Variants in CLCN5 observed in about 807,000 individuals in gnomAD.
CLCN5 encodes H(+)/Cl(-) exchange transporter 5.
In CLCN5, 17 loss-of-function variants were observed where a neutral mutation model predicts 54.0. The ratio of observed to expected loss-of-function variants is 0.31; its 90% CI spans 0.22 to 0.47. The LOEUF is 0.47. Among genes scored for constraint, CLCN5 ranks in the 20% least tolerant of loss-of-function variants. The pLI, the probability that CLCN5 is intolerant of heterozygous loss-of-function variation, is 1.00. For synonymous variants in CLCN5, 222 were observed against 233.0 expected (o/e 0.95, Z 0.43); for missense variants, 448 against 646.7 (o/e 0.69, Z 3.33).
At chrX:50,034,993 A>G (rs1394676920) in intron 3 of CLCN5, among the ~76,000 whole-genome samples, 1 of 111,359 alleles carries the variant, frequency 9.0e-6, no homozygotes, top group Non-Finnish European at 1.9e-5. Context: ...TTGACTTACC[A>G]GGTCCTTCAT....
intron 3 of CLCN5, among the ~76,000 whole-genome samples, chrX:49,930,631 G>A (rs188937272): frequency 9.0e-6 from 1 of 111,221 alleles, no homozygotes; most frequent in East Asian, 2.8e-4. Flanking sequence ...TGTGCTCGGG[G>A]GATTTGAAGA....
rs185390808 is a variant in CLCN5, at chrX:50,069,799, C to T, written c.164-80C>T. The T allele has an allele frequency of 1.4e-3, 1,493 of 1,103,855 alleles. 1 individual carries two copies. The highest frequency in any genetic ancestry group is 1.3e-3 in the Non-Finnish European group (1,070 of 843,543). The allele number at this position is 1,103,855 out of a possible 1,213,427, so 91.0% of individuals were successfully genotyped here. The stretch of plus-strand genomic sequence containing the variant: ...GTAGTCATCTGATAGTTTAAGGGCC[C>T]GCCTTTTGGAACCAAAAAGAATGTA... On this transcript the variant is annotated intron_variant, in intron 4 of 14. Transcript: ENST00000376091.
At chrX:50,010,576 G>C (rs1930452275) in intron 3 of CLCN5, 1 of 116,718 alleles carries the variant, frequency 8.6e-6, no homozygotes, top group Non-Finnish European at 1.8e-5. Flanking sequence ...CTCTACTTTA[G>C]TTCAATGCAA....
chrX:50,093,976 T>A lies in CLCN5; in HGVS notation c.*1757T>A, dbSNP rs1602137602. ...ATTTTATAGCTCTGTTCCTAGCACT[T>A]CTCATCATCCTTCCAGCCCAGAATC... On this transcript the variant is annotated 3_prime_UTR_variant, in exon 15 of 15. Transcript: ENST00000376091. 1 of 110,862 alleles carries A rather than the reference T, an allele frequency of 9.0e-6. No individual in the cohort carries two copies. The highest frequency in any genetic ancestry group is 2.9e-4 in the East Asian group (1 of 3,493). The allele number at this position is 110,862 out of a possible 1,213,427, so 9.1% of individuals were successfully genotyped here. A position where few individuals can be genotyped will look rare whatever the true frequency, so the allele number is the denominator to read the frequency against.
intron 3 of CLCN5, among the ~76,000 whole-genome samples, chrX:49,956,222 G>A (rs1202824562): frequency 9.0e-6 from 1 of 111,673 alleles, no homozygotes; most frequent in African/African-American, 3.3e-5. Context: ...TCTGACTAAG[G>A]CTGGCATGCC....
chrX:49,993,235 C>T (rs1221570804), intron 3 of CLCN5, among the ~76,000 whole-genome samples: 3 of 111,784 alleles, frequency 2.7e-5, no homozygotes, highest in Non-Finnish European at 5.6e-5. Context: ...GAAGGGTTTC[C>T]GGTTGTCCTT....
intron 12 of CLCN5, 125 bp from the exon 13 acceptor site, chrX:50,089,991 G>C: frequency 1.5e-6 from 1 of 659,654 alleles, no homozygotes; most frequent in Non-Finnish European, 2.5e-6. Flanking sequence ...TGCAATCTCT[G>C]GGGTCTGCAC....
At chrX:50,039,106 C>G (rs1047141116) in intron 3 of CLCN5, among the ~76,000 whole-genome samples, 8 of 110,830 alleles carry the variant, frequency 7.2e-5, no homozygotes, top group African/African-American at 2.6e-4. Context: ...TAGTGAGACC[C>G]TATCTGTACA....
At chrX:49,947,933 C>T (rs1285950732) in intron 3 of CLCN5, among the ~76,000 whole-genome samples, 2 of 110,920 alleles carry the variant, frequency 1.8e-5, no homozygotes, top group Admixed American at 9.6e-5. Flanking sequence ...TACCTTTTCC[C>T]GTTTTGGGTT....
At chrX:49,983,766 A>G (rs1319279451) in intron 3 of CLCN5, among the ~76,000 whole-genome samples, 1 of 109,596 alleles carries the variant, frequency 9.1e-6, no homozygotes, top group African/African-American at 3.3e-5. Flanking sequence ...CTGCCCTTCT[A>G]ATTGTATTCA....
chrX:49,950,106 G>A (rs953046806), intron 3 of CLCN5, among the ~76,000 whole-genome samples: 6 of 112,005 alleles, frequency 5.4e-5, no homozygotes, highest in Non-Finnish European at 1.1e-4. Context: ...AAGTGGTAGG[G>A]TGAAAGGACC....
intron 4 of CLCN5, among the ~76,000 whole-genome samples, chrX:50,068,913 C>G (rs782386354): frequency 1.8e-5 from 2 of 112,256 alleles, no homozygotes; most frequent in South Asian, 7.4e-4. Context: ...ATAGCAAAAT[C>G]TTATTCCATC....
intron 4 of CLCN5, among the ~76,000 whole-genome samples, chrX:50,057,713 G>A (rs1932786283): frequency 1.9e-5 from 2 of 104,673 alleles, no homozygotes; most frequent in African/African-American, 6.9e-5. Context: ...TAGATGGGAG[G>A]GCTACTCCAA....
At chrX:50,014,518 T>C (rs1226063467) in intron 3 of CLCN5, 11 of 302,943 alleles carry the variant, frequency 3.6e-5, no homozygotes, top group Non-Finnish European at 6.4e-5. Context: ...TGCAAGACTC[T>C]CATTCCTGTT....
At chrX:50,067,146 A>G (rs1291037088) in intron 4 of CLCN5, among the ~76,000 whole-genome samples, 1 of 111,523 alleles carries the variant, frequency 9.0e-6, no homozygotes, top group Admixed American at 9.5e-5. Context: ...CTAAAATGAT[A>G]TAACTTGCTT....
Position 50,013,450 on chromosome X carries a change from T to C in CLCN5, c.17-28866T>C, listed in dbSNP as rs782065457. 4 of 250,986 alleles carry C rather than the reference T, an allele frequency of 1.6e-5. No homozygotes were observed. The East Asian group carries it at 4.2e-4, about 26-fold the overall frequency. 20.7% of individuals were successfully genotyped at this position (250,986 alleles called of 1,213,427 possible). On this transcript the variant is annotated intron_variant, in intron 3 of 14. Coordinates refer to ENST00000376091, the MANE Select transcript of CLCN5 (RefSeq NM_001127898.4). ...ATGGACAGTGTCTCTCTCCGGGACT[T>C]CCTATCTAGTGGAGGTATTAGGTGC... is the stretch of plus-strand genomic sequence containing the variant.
chrX:49,993,575 A>G (rs922217464), intron 3 of CLCN5, among the ~76,000 whole-genome samples: 1 of 112,411 alleles, frequency 8.9e-6, no homozygotes, highest in Non-Finnish European at 1.9e-5. Context: ...TTTCTTGAGC[A>G]ACTATTGTGT....
chrX:50,085,217 G>A (rs1371391940), intron 9 of CLCN5, among the ~76,000 whole-genome samples: 1 of 112,006 alleles, frequency 8.9e-6, no homozygotes, highest in Non-Finnish European at 1.9e-5. Flanking sequence ...AAAGGACTTG[G>A]TCCATCTATT....
At chrX:49,999,206 T>C (rs782180599) in intron 3 of CLCN5, among the ~76,000 whole-genome samples, 1 of 110,964 alleles carries the variant, frequency 9.0e-6, no homozygotes, top group Admixed American at 9.5e-5. Context: ...GTGTACATCC[T>C]CTGTCTGTGA....
Sources: gnomAD v4.1 joint callset for allele counts (sites outside exome capture counted in the v4.1 genomes callset) on GRCh38, gnomAD v4.1.1 for gene constraint, MANE v1.5 for transcripts, NCBI Gene and HGNC (gene_info 2026-07-23, HGNC 2026-07-21) for gene names.